Variants in NR1H4 observed in about 807,000 individuals in gnomAD.
NR1H4 encodes nuclear receptor subfamily 1 group H member 4, also known as bile acid receptor.
In NR1H4, 23 loss-of-function variants were observed where a neutral mutation model predicts 58.5. The observed-to-expected ratio is 0.39, with a 90% CI of 0.28 to 0.56. The LOEUF (loss-of-function observed/expected upper bound fraction) is 0.56. NR1H4 is among the 20% of genes least tolerant of loss of function. NR1H4 has a pLI of 0.58. For missense variants in NR1H4, 487 were observed against 576.9 expected, an observed-to-expected ratio of 0.84 and a Z score of 1.60; for synonymous variants, 214 against 198.0, an observed-to-expected ratio of 1.08 and a Z score of -0.68.
At chr12:100,507,073 C>T (rs935277211) in intron 3 of NR1H4, among the ~76,000 whole-genome samples, 57 of 152,246 alleles carry the variant, frequency 3.7e-4, no homozygotes, top group African/African-American at 1.3e-3. Flanking sequence ...GTACACATCT[C>T]CTTGGATGCT....
At chr12:100,556,524 C>T (rs939095675) in intron 9 of NR1H4, among the ~76,000 whole-genome samples, 4 of 151,282 alleles carry the variant, frequency 2.6e-5, no homozygotes, top group Admixed American at 2.0e-4. Flanking sequence ...CAAAATAATT[C>T]ATCACCTTCC....
At chr12:100,478,192 T>G (rs1593030217) in intron 1 of NR1H4, among the ~76,000 whole-genome samples, 1 of 149,524 alleles carries the variant, frequency 6.7e-6, no homozygotes, top group African/African-American at 2.5e-5. Context: ...GTGTGGGGGG[T>G]GGGGGAGAAG....
At chr12:100,492,462 T>G (rs1207108486) in intron 1 of NR1H4, 41 bp from the exon 2 acceptor site, 2 of 152,208 alleles carry the variant, frequency 1.3e-5, no homozygotes, top group Non-Finnish European at 2.9e-5. Context: ...CAGCACACAT[T>G]ATCACTTTTC....
chr12:100,558,733 G>T (rs1036945256), intron 9 of NR1H4, among the ~76,000 whole-genome samples: 1 of 152,362 alleles, frequency 6.6e-6, no homozygotes, highest in East Asian at 1.9e-4. Flanking sequence ...AGCACAACAT[G>T]TACAAAAACT....
At chr12:100,523,047 T>C (rs1725790491) in intron 4 of NR1H4, among the ~76,000 whole-genome samples, 1 of 152,150 alleles carries the variant, frequency 6.6e-6, no homozygotes, top group South Asian at 2.1e-4. Flanking sequence ...ATCTAATTAC[T>C]TTTTTTCCTT....
intron 4 of NR1H4, among the ~76,000 whole-genome samples, chr12:100,513,584 C>T (rs1433608480): frequency 1.3e-5 from 2 of 152,146 alleles, no homozygotes; most frequent in Non-Finnish European, 2.9e-5. Context: ...CACCTAAGGT[C>T]AGGAGTTCAA....
At chr12:100,522,149 T>G (rs952398583) in intron 4 of NR1H4, among the ~76,000 whole-genome samples, 1 of 151,936 alleles carries the variant, frequency 6.6e-6, no homozygotes, top group African/African-American at 2.4e-5. Context: ...ATGGTGATGG[T>G]GATGGTGATG....
chr12:100,503,371 C>T (rs1237274568), intron 3 of NR1H4: 2 of 1,593,476 alleles, frequency 1.3e-6, no homozygotes, highest in Non-Finnish European at 1.7e-6. Context: ...TTTTCAGTGG[C>T]TGTGAATAAG....
chr12:100,522,236 G>A (rs1359847884), intron 4 of NR1H4, among the ~76,000 whole-genome samples: 1 of 151,990 alleles, frequency 6.6e-6, no homozygotes, highest in African/African-American at 2.4e-5. Flanking sequence ...TGATGATGAT[G>A]ATAGTAATAA....
chr12:100,531,319 G>A (rs891638796), intron 4 of NR1H4, among the ~76,000 whole-genome samples: 2 of 152,064 alleles, frequency 1.3e-5, no homozygotes, highest in Admixed American at 6.5e-5. Context: ...AGTCGGCCGC[G>A]GTGGGCGGCG....
chr12:100,514,229 T>C (rs1284167937), intron 4 of NR1H4, among the ~76,000 whole-genome samples: 2 of 152,154 alleles, frequency 1.3e-5, no homozygotes, highest in African/African-American at 4.8e-5. Context: ...GTACAGGAGA[T>C]TTGTATGTTA....
chr12:100,501,144 A>G (rs971609965), intron 3 of NR1H4, among the ~76,000 whole-genome samples: 1 of 151,734 alleles, frequency 6.6e-6, no homozygotes, highest in Non-Finnish European at 1.5e-5. Context: ...TATCTAGTAT[A>G]GATGTTTCTG....
chr12:100,477,916 C>A (rs1209546116), intron 1 of NR1H4, among the ~76,000 whole-genome samples: 1 of 152,038 alleles, frequency 6.6e-6, no homozygotes, highest in South Asian at 2.1e-4. Flanking sequence ...CTTCAGGGGG[C>A]CAGGGTCACT....
chr12:100,503,265 C>G (rs1271335927), intron 3 of NR1H4: 14 of 1,291,360 alleles, frequency 1.1e-5, no homozygotes, highest in Admixed American at 2.7e-5. Context: ...GCATTAAGAA[C>G]TTTCCTCATA....
At chr12:100,523,104 A>C (rs1179126517) in intron 4 of NR1H4, among the ~76,000 whole-genome samples, 1 of 152,130 alleles carries the variant, frequency 6.6e-6, no homozygotes, top group African/African-American at 2.4e-5. Context: ...TGGTAGATCT[A>C]CTTTCAGTTC....
intron 1 of NR1H4, among the ~76,000 whole-genome samples, chr12:100,474,431 G>A (rs949630115): frequency 2.0e-5 from 3 of 152,298 alleles, no homozygotes; most frequent in African/African-American, 7.2e-5. Context: ...AAATCTTGAT[G>A]TGAGTTTGGG....
At chr12:100,536,080 A>T in intron 6 of NR1H4, among the ~76,000 whole-genome samples, 1 of 152,158 alleles carries the variant, frequency 6.6e-6, no homozygotes. Flanking sequence ...CCTCCTCCAC[A>T]TGAATACTCT....
rs76063222 is a variant in NR1H4, at chr12:100,499,565, T to C, written c.79+6163T>C. On this transcript the variant is annotated intron_variant, in intron 3 of 10. Transcript: ENST00000392986. ...TATTACAAAATAGATTACTGATTCTTTCAGCAGGGGCTTGCAGAGTTTGGA... is the reference window on the plus strand; with the variant it reads ...TATTACAAAATAGATTACTGATTCTCTCAGCAGGGGCTTGCAGAGTTTGGA... 8.5e-3 allele frequency among the ~76,000 whole-genome samples: 1,292 copies of C among 152,316 alleles called. 21 individuals are homozygous for C. Among genetic ancestry groups the C allele is most frequent in the African/African-American group, 0.029 (1,214 of 41,556 alleles).
intron 9 of NR1H4, among the ~76,000 whole-genome samples, chr12:100,551,747 C>T (rs934404520): frequency 6.6e-6 from 1 of 152,156 alleles, no homozygotes; most frequent in African/African-American, 2.4e-5. Flanking sequence ...TATGTCAAGT[C>T]GCCCCTTGGT....
Sources: gnomAD v4.1 joint callset for allele counts (sites outside exome capture counted in the v4.1 genomes callset) on GRCh38, gnomAD v4.1.1 for gene constraint, MANE v1.5 for transcripts, NCBI Gene and HGNC (gene_info 2026-07-23, HGNC 2026-07-21) for gene names.